The following ZNF469 variants were observed in gnomAD, a reference collection of about 807,000 sequenced individuals.
The protein encoded by ZNF469 is zinc finger protein 469.
A neutral mutation model predicts 1.0 loss-of-function variants in ZNF469; 1 was observed. The observed-to-expected ratio is 1.00, with a 90% CI of 0.35 to 4.73. The LOEUF (loss-of-function observed/expected upper bound fraction) is 4.73. ZNF469 is among the 30% of genes most tolerant of loss of function. The pLI is 0.16. For missense variants in ZNF469, 6,100 were observed against 5,356.3 expected (o/e 1.14, Z -4.33); for synonymous variants, 2,703 against 2,363.4 (o/e 1.14, Z -4.17).
At chr16:88,289,239 G>T in the ZNF469 span, among the ~76,000 whole-genome samples, 3 of 150,714 alleles carry the variant, frequency 2.0e-5, no homozygotes, top group African/African-American at 7.4e-5. Context: ...TGATGATGAT[G>T]AAGGTGATAA....
the ZNF469 span, among the ~76,000 whole-genome samples, chr16:88,209,789 T>C: frequency 2.6e-5 from 4 of 152,234 alleles, no homozygotes; most frequent in African/African-American, 9.6e-5. Flanking sequence ...CATACCACAG[T>C]TCATTCAACC....
chr16:88,372,413 CCATCACCAT>C, the ZNF469 span, among the ~76,000 whole-genome samples: 4 of 149,688 alleles, frequency 2.7e-5, no homozygotes, highest in African/African-American at 9.9e-5. Flanking sequence ...ACCATCATCA[CCATCACCAT>C]CATCACCATC....
chr16:88,213,251 A>G, the ZNF469 span, among the ~76,000 whole-genome samples: 59 of 152,186 alleles, frequency 3.9e-4, no homozygotes, highest in African/African-American at 1.4e-3. Flanking sequence ...GGCGCCCGCC[A>G]CCACGCCCAG....
At chr16:88,133,567 C>A in the ZNF469 span, among the ~76,000 whole-genome samples, 1 of 151,776 alleles carries the variant, frequency 6.6e-6, no homozygotes, top group African/African-American at 2.4e-5. Flanking sequence ...CAGATTTAAC[C>A]AATAAGTTCA....
chr16:88,245,719 C>A, the ZNF469 span, among the ~76,000 whole-genome samples: 3 of 152,286 alleles, frequency 2.0e-5, no homozygotes, highest in Non-Finnish European at 2.9e-5. Context: ...ATTTTTAGGC[C>A]ATTTCTTCAG....
At chr16:88,215,526 A>G in the ZNF469 span, among the ~76,000 whole-genome samples, 1 of 150,430 alleles carries the variant, frequency 6.6e-6, no homozygotes, top group Non-Finnish European at 1.5e-5. Context: ...AGTAGCTGGG[A>G]TTACAGGCAC....
the ZNF469 span, among the ~76,000 whole-genome samples, chr16:88,247,612 ATGTT>A: frequency 3.7e-4 from 48 of 128,774 alleles, no homozygotes; most frequent in Non-Finnish European, 5.1e-4. Context: ...GAGTGAGTGA[ATGTT>A]TGATTGAATG....
the ZNF469 span, among the ~76,000 whole-genome samples, chr16:88,311,997 T>G: frequency 2.6e-3 from 403 of 152,230 alleles, 3 homozygotes; most frequent in African/African-American, 9.1e-3. Context: ...AACTCACAGT[T>G]CCACATGGCT....
At chr16:88,381,396 A>G (rs1191306536), upstream of ZNF469, among the ~76,000 whole-genome samples, 1 of 151,142 alleles carries the variant, frequency 6.6e-6, no homozygotes, top group East Asian at 2.0e-4. Context: ...ATTCACACAC[A>G]CGCACTCACA....
At chr16:88,308,468 C>G in the ZNF469 span, among the ~76,000 whole-genome samples, 1 of 152,112 alleles carries the variant, frequency 6.6e-6, no homozygotes, top group Non-Finnish European at 1.5e-5. Flanking sequence ...AATCTTTCAC[C>G]AATAATGAGT....
At chr16:88,377,088 T>C in the ZNF469 span, among the ~76,000 whole-genome samples, 16 of 152,236 alleles carry the variant, frequency 1.1e-4, no homozygotes, top group Non-Finnish European at 2.4e-4. Flanking sequence ...GAGGCAGAGA[T>C]GGGACTCGAC....
the ZNF469 span, among the ~76,000 whole-genome samples, chr16:88,155,756 A>C: frequency 2.6e-5 from 4 of 152,212 alleles, no homozygotes; most frequent in African/African-American, 9.6e-5. Context: ...CGCTGCTGAA[A>C]ACACTGGTGC....
the ZNF469 span, among the ~76,000 whole-genome samples, chr16:88,226,035 G>GAT: frequency 6.6e-6 from 1 of 152,244 alleles, no homozygotes; most frequent in Non-Finnish European, 1.5e-5. Context: ...CACCTCCCCA[G>GAT]GCTGCAGGGT....
chr16:88,247,490 GAATC>G, the ZNF469 span, among the ~76,000 whole-genome samples: 62 of 120,172 alleles, frequency 5.2e-4, no homozygotes, highest in African/African-American at 1.3e-3. Context: ...ATGAGTGAAT[GAATC>G]AGTGAGTGAG....
chr16:88,379,583 G>A (rs2092516076), upstream of ZNF469, among the ~76,000 whole-genome samples: 1 of 152,102 alleles, frequency 6.6e-6, no homozygotes, highest in Non-Finnish European at 1.5e-5. Flanking sequence ...CTGATACCAG[G>A]ATTCTCACCT....
At chr16:88,315,027 C>G in the ZNF469 span, among the ~76,000 whole-genome samples, 1 of 152,312 alleles carries the variant, frequency 6.6e-6, no homozygotes, top group African/African-American at 2.4e-5. Context: ...TATGATGATG[C>G]TGGTGTGGAC....
At chr16:88,396,894 T>TCATGAAGGGAGGCCGGGA (rs1904690651) in intron 1 of ZNF469, among the ~76,000 whole-genome samples, 204 of 66,740 alleles carry the variant, frequency 3.1e-3, no homozygotes, top group East Asian at 4.4e-3. Flanking sequence ...GGAGGCCGGG[T>TCATGAAGGGAGGCCGGGA]GGAGACCCTC....
At chr16:88,184,859 C>G in the ZNF469 span, among the ~76,000 whole-genome samples, 1 of 152,234 alleles carries the variant, frequency 6.6e-6, no homozygotes, top group Non-Finnish European at 1.5e-5. Context: ...TGCGGGGACA[C>G]GTGCGTGCAC....
At chr16:88,402,455 C>G (rs898766031) in intron 1 of ZNF469, among the ~76,000 whole-genome samples, 1 of 152,096 alleles carries the variant, frequency 6.6e-6, no homozygotes, top group African/African-American at 2.4e-5. Flanking sequence ...GGTGAGGAGA[C>G]AGTCTGGGGG....
Sources: gnomAD v4.1 joint callset for allele counts (sites outside exome capture counted in the v4.1 genomes callset) on GRCh38, gnomAD v4.1.1 for gene constraint, MANE v1.5 for transcripts, NCBI Gene and HGNC (gene_info 2026-07-23, HGNC 2026-07-21) for gene names.